CCDC138: variants seen among roughly 807,000 people sequenced by gnomAD.
CCDC138 encodes coiled-coil domain containing 138.
CCDC138 carries 66 observed loss-of-function variants against 82.3 expected under a neutral mutation model. The ratio of observed to expected loss-of-function variants is 0.80; its 90% CI spans 0.66 to 0.98. The LOEUF (loss-of-function observed/expected upper bound fraction) is 0.98, where lower values mean the gene tolerates loss of function less well. CCDC138 is among the 50% of genes least tolerant of loss of function. CCDC138 has a pLI of 0.00. For synonymous variants in CCDC138, 297 were observed against 265.4 expected (o/e 1.12, Z -1.16); for missense variants, 816 against 758.9 (o/e 1.08, Z -0.88).
chr2:108,831,708 C>A (rs1281048854), intron 10 of CCDC138, among the ~76,000 whole-genome samples: 2 of 145,728 alleles, frequency 1.4e-5, no homozygotes, highest in African/African-American at 2.5e-5. Context: ...AATCTTCCTT[C>A]CTTCCTTCCT....
At chr2:108,836,317 G>A (rs1266861344) in intron 10 of CCDC138, among the ~76,000 whole-genome samples, 2 of 152,130 alleles carry the variant, frequency 1.3e-5, no homozygotes, top group African/African-American at 4.8e-5. Context: ...GTTCGTCCAT[G>A]TTGTAGCATG....
In CCDC138 at chr2:108,873,587, CAAGT is replaced by C. The variant is rs746385990; in HGVS notation, c.1832+2_1832+5del. 7.9e-5 allele frequency: 124 copies of C among 1,574,318 alleles called. No homozygotes were observed. The highest frequency in any genetic ancestry group is 1.1e-4 in the Non-Finnish European group (123 of 1,153,530). On this transcript the variant is annotated splice_donor_variant and coding_sequence_variant, in exon 14 of 15. Transcript: ENST00000295124. LOFTEE classifies it high-confidence loss of function. ...TTATTTTACAGAAACTTTCCAAAAT[CAAGT>C]AAGAATTTCTTATTTCTAACATTTT...
At chr2:108,798,404 T>C (rs755498469) in intron 5 of CCDC138, 24 bp from the exon 6 acceptor site, 26 of 1,598,006 alleles carry the variant, frequency 1.6e-5, no homozygotes, top group Non-Finnish European at 2.1e-5. Context: ...TTCAAGAGCA[T>C]TAAAGTCTGG....
At chr2:108,853,680 C>T (rs1230029744) in intron 12 of CCDC138, among the ~76,000 whole-genome samples, 3 of 149,542 alleles carry the variant, frequency 2.0e-5, no homozygotes, top group African/African-American at 7.4e-5. Context: ...GCATGCACTA[C>T]GATGACCATC....
At chr2:108,841,923 GTTC>G (rs1460952848) in intron 11 of CCDC138, among the ~76,000 whole-genome samples, 7 of 151,972 alleles carry the variant, frequency 4.6e-5, no homozygotes, top group African/African-American at 7.3e-5. Context: ...TTTTCTAATA[GTTC>G]TTCTTGGTAT....
intron 7 of CCDC138, among the ~76,000 whole-genome samples, chr2:108,812,088 T>C (rs1239872191): frequency 1.3e-5 from 2 of 152,028 alleles, no homozygotes; most frequent in East Asian, 3.9e-4. Flanking sequence ...GTGCAAGACA[T>C]CTCTACTTGA....
chr2:108,812,520 T>C, intron 7 of CCDC138, 111 bp from the exon 8 acceptor site: 2 of 753,344 alleles, frequency 2.7e-6, no homozygotes, highest in Admixed American at 2.5e-5. Context: ...TGTCTCTGTT[T>C]TGTTACATTG....
intron 10 of CCDC138, among the ~76,000 whole-genome samples, chr2:108,818,387 G>A (rs544030247): frequency 3.3e-5 from 5 of 152,244 alleles, no homozygotes; most frequent in South Asian, 2.1e-4. Flanking sequence ...TATTTAGCAC[G>A]TGTATTTCTC....
intron 13 of CCDC138, 29 bp downstream of exon 13, chr2:108,856,999 G>C: frequency 9.0e-7 from 1 of 1,114,606 alleles, no homozygotes; most frequent in Non-Finnish European, 1.2e-6. Flanking sequence ...TATGTGTAAA[G>C]AAAGCAGGAT....
intron 10 of CCDC138, among the ~76,000 whole-genome samples, chr2:108,838,697 T>C (rs939010742): frequency 6.6e-6 from 1 of 152,170 alleles, no homozygotes; most frequent in African/African-American, 2.4e-5. Flanking sequence ...TATAAACAAG[T>C]AAATAGTACT....
At chr2:108,788,117 G>T (rs747411856) in intron 2 of CCDC138, 28 bp downstream of exon 2, 15 of 1,599,336 alleles carry the variant, frequency 9.4e-6, no homozygotes, top group African/African-American at 1.4e-5. Flanking sequence ...ATATTTGGGG[G>T]TTTCAAAAAT....
chr2:108,872,864 T>G lies in CCDC138; in HGVS notation c.1694-587T>G, dbSNP rs549357798. 5.5e-4 allele frequency among the ~76,000 whole-genome samples: 84 copies of G among 152,352 alleles called. No individual in the cohort carries two copies. In the South Asian group the frequency reaches 0.016, roughly 29 times the overall value. Reference sequence around the variant, plus strand: ...TGTCCTCATAAACAAAATAATTTATTTCATCTAAATAGCCCCACAAGTCTT... The same window carrying G: ...TGTCCTCATAAACAAAATAATTTATGTCATCTAAATAGCCCCACAAGTCTT... On this transcript the variant is annotated intron_variant, in intron 13 of 14. Transcript: ENST00000295124.
chr2:108,858,509 G>A (rs892335580), intron 13 of CCDC138, among the ~76,000 whole-genome samples: 1 of 152,196 alleles, frequency 6.6e-6, no homozygotes, highest in Non-Finnish European at 1.5e-5. Context: ...ATGTCTGACT[G>A]AAGAGCATTT....
rs571946547 is a variant in CCDC138 at position 108,828,344 on chromosome 2, A to G, written c.1207-10841A>G. 1.1e-4 allele frequency among the ~76,000 whole-genome samples: 16 copies of G among 152,362 alleles called. No individual in the cohort carries two copies. In the East Asian group the frequency reaches 3.1e-3, roughly 29 times the overall value. ...AAAACATAAAACTTTTATATGTCAAAGAATACTACTTATCCTAAAATTGAT... is the reference window on the plus strand; with the variant it reads ...AAAACATAAAACTTTTATATGTCAAGGAATACTACTTATCCTAAAATTGAT... On this transcript the variant is annotated intron_variant, in intron 10 of 14. Coordinates refer to ENST00000295124, the MANE Select transcript of CCDC138 (RefSeq NM_144978.3).
At chr2:108,821,016 A>AT (rs1226295118) in intron 10 of CCDC138, among the ~76,000 whole-genome samples, 3 of 53,352 alleles carry the variant, frequency 5.6e-5, no homozygotes, top group Admixed American at 4.8e-4. Context: ...AGACAAAAGT[A>AT]TTAAAAAAAA....
intron 10 of CCDC138, among the ~76,000 whole-genome samples, chr2:108,837,293 C>T (rs1464578830): frequency 2.0e-5 from 3 of 152,092 alleles, no homozygotes. Context: ...TTGAAATAAT[C>T]GTGTGGGTTT....
At chr2:108,815,725 C>G (rs1684675515) in intron 9 of CCDC138, among the ~76,000 whole-genome samples, 2 of 152,068 alleles carry the variant, frequency 1.3e-5, no homozygotes, top group Non-Finnish European at 2.9e-5. Context: ...CTCAGCCTCC[C>G]AAAGTGGTGG....
At chr2:108,858,264 A>G (rs1457388074) in intron 13 of CCDC138, among the ~76,000 whole-genome samples, 1 of 152,150 alleles carries the variant, frequency 6.6e-6, no homozygotes, top group Non-Finnish European at 1.5e-5. Context: ...GAATCACTTG[A>G]ACCCAGGAGG....
intron 11 of CCDC138, among the ~76,000 whole-genome samples, chr2:108,846,039 T>C (rs1004025516): frequency 6.6e-6 from 1 of 152,188 alleles, no homozygotes; most frequent in African/African-American, 2.4e-5. Context: ...CTAAAAGTTT[T>C]TGGAGTCACT....
Sources: gnomAD v4.1 joint callset for allele counts (sites outside exome capture counted in the v4.1 genomes callset) on GRCh38, gnomAD v4.1.1 for gene constraint, MANE v1.5 for transcripts, NCBI Gene and HGNC (gene_info 2026-07-23, HGNC 2026-07-21) for gene names.